PCDH15: variants seen among roughly 807,000 people sequenced by gnomAD.
PCDH15 encodes protocadherin related 15, also known as protocadherin-15.
In PCDH15, 129 loss-of-function variants were observed where a neutral mutation model predicts 178.5. The ratio of observed to expected loss-of-function variants is 0.72; its 90% CI spans 0.63 to 0.84. PCDH15 has a LOEUF of 0.84. PCDH15 is among the 40% of genes least tolerant of loss of function. The probability of loss-of-function intolerance (pLI) is 0.00; values close to 1 mark genes in which losing one functional copy is unlikely to be tolerated. For synonymous variants in PCDH15, 800 were observed against 732.0 expected (o/e 1.09, Z -1.50); for missense variants, 2,230 against 2,099.9 (o/e 1.06, Z -1.21).
chr10:54,311,361 T>C (rs1037424738), intron 8 of PCDH15, among the ~76,000 whole-genome samples: 2 of 152,028 alleles, frequency 1.3e-5, no homozygotes, highest in Non-Finnish European at 2.9e-5. Flanking sequence ...AACACATAAA[T>C]GTATGCTACT....
intron 1 of PCDH15, among the ~76,000 whole-genome samples, chr10:55,259,902 C>CAAAAAAAAA (rs749939571): frequency 2.1e-4 from 11 of 52,006 alleles, no homozygotes; most frequent in East Asian, 6.0e-4. Flanking sequence ...AACTCCGTCT[C>CAAAAAAAAA]AAAAAAAAAA....
intron 2 of PCDH15, among the ~76,000 whole-genome samples, chr10:55,136,303 T>C (rs1335900695): frequency 1.3e-5 from 2 of 152,142 alleles, no homozygotes; most frequent in African/African-American, 4.8e-5. Flanking sequence ...AAACAAAGGA[T>C]TGGATTAACA....
chr10:54,161,297 AG>A (rs2045688006), intron 13 of PCDH15, among the ~76,000 whole-genome samples: 1 of 152,208 alleles, frequency 6.6e-6, no homozygotes, highest in Non-Finnish European at 1.5e-5. Flanking sequence ...GTAAAATAAA[AG>A]TAAAAGATAC....
At chr10:55,582,469 G>T (rs1842633273) in intron 2 of PCDH15, among the ~76,000 whole-genome samples, 2 of 151,446 alleles carry the variant, frequency 1.3e-5, no homozygotes, top group Admixed American at 1.3e-4. Context: ...AAAAGGAATT[G>T]GGATTATTAT....
intron 1 of PCDH15, among the ~76,000 whole-genome samples, chr10:54,757,015 T>A (rs1947227202): frequency 8.0e-6 from 1 of 124,492 alleles, no homozygotes; most frequent in African/African-American, 3.0e-5. Flanking sequence ...AGCTCCCAAT[T>A]GGATTACCAT....
chr10:54,050,301 T>G (rs1379512124), intron 18 of PCDH15, among the ~76,000 whole-genome samples: 1 of 152,164 alleles, frequency 6.6e-6, no homozygotes, highest in Non-Finnish European at 1.5e-5. Flanking sequence ...GCTTGTGTGT[T>G]TCCAGGAATT....
At chr10:54,302,804 GA>G (rs1204664697) in intron 8 of PCDH15, among the ~76,000 whole-genome samples, 1 of 152,006 alleles carries the variant, frequency 6.6e-6, no homozygotes, top group Non-Finnish European at 1.5e-5. Flanking sequence ...TTCCATTTGA[GA>G]AATTTTACAA....
chr10:55,278,440 G>A (rs1842649094), intron 1 of PCDH15, among the ~76,000 whole-genome samples: 2 of 151,850 alleles, frequency 1.3e-5, no homozygotes, highest in South Asian at 4.2e-4. Context: ...GGTCAGGCTG[G>A]TTACGAACTC....
At chr10:54,814,318 T>G (rs936409584) in intron 3 of PCDH15, among the ~76,000 whole-genome samples, 2 of 152,322 alleles carry the variant, frequency 1.3e-5, no homozygotes, top group South Asian at 2.1e-4. Context: ...CATACATGTT[T>G]ATTTAAATTC....
chr10:54,060,444 G>T (rs918659807), intron 18 of PCDH15, among the ~76,000 whole-genome samples: 1 of 151,924 alleles, frequency 6.6e-6, no homozygotes, highest in Admixed American at 6.6e-5. Context: ...AATATACGTA[G>T]CCATACTTTA....
chr10:54,809,107 G>T (rs1377238221), intron 3 of PCDH15, among the ~76,000 whole-genome samples: 1 of 152,038 alleles, frequency 6.6e-6, no homozygotes, highest in African/African-American at 2.4e-5. Flanking sequence ...AATTTTTAAG[G>T]TATGAATATT....
intron 3 of PCDH15, among the ~76,000 whole-genome samples, chr10:54,807,623 G>A (rs1952799117): frequency 1.3e-5 from 2 of 150,430 alleles, no homozygotes; most frequent in South Asian, 4.2e-4. Flanking sequence ...TACCAAGCTA[G>A]CCTCTTAGAT....
At chr10:54,427,543 G>T (rs1956441363) in intron 3 of PCDH15, among the ~76,000 whole-genome samples, 2 of 151,900 alleles carry the variant, frequency 1.3e-5, no homozygotes, top group Non-Finnish European at 2.9e-5. Flanking sequence ...CTCCCAAAGT[G>T]CTGGGATTAC....
Position 53,888,833 on chromosome 10 carries a change from A to AT in PCDH15, c.3501+14409_3501+14410insA, listed in dbSNP as rs2081361117. Among the ~76,000 whole-genome samples, 4 of 150,170 alleles carry AT rather than the reference A, an allele frequency of 2.7e-5. No individual in the cohort carries two copies. The South Asian group carries it at 8.4e-4, about 31-fold the overall frequency. ...AAGACTTACACTATCAGATATTATAAAACTATAGTAATTCAGATAGCAGAA... is the reference window on the plus strand; with the variant it reads ...AAGACTTACACTATCAGATATTATAATAACTATAGTAATTCAGATAGCAGAA... On this transcript the variant is annotated intron_variant, in intron 26 of 37. Coordinates refer to ENST00000644397, the MANE Select transcript of PCDH15 (RefSeq NM_001384140.1).
At chr10:55,484,150 G>A (rs1004534825) in intron 2 of PCDH15, among the ~76,000 whole-genome samples, 13 of 151,718 alleles carry the variant, frequency 8.6e-5, no homozygotes, top group African/African-American at 3.1e-4. Context: ...AGAGTGGAGG[G>A]TAGGAGTAGG....
chr10:55,151,103 G>A (rs1838699380), intron 2 of PCDH15, among the ~76,000 whole-genome samples: 1 of 152,000 alleles, frequency 6.6e-6, no homozygotes, highest in Non-Finnish European at 1.5e-5. Context: ...AGATCCCACG[G>A]CATATTCTTT....
intron 24 of PCDH15, among the ~76,000 whole-genome samples, chr10:53,939,591 CCTTATAATA>C (rs1294478032): frequency 6.6e-6 from 1 of 151,766 alleles, no homozygotes; most frequent in Non-Finnish European, 1.5e-5. Context: ...ATTAATAATC[CCTTATAATA>C]CTATATATTT....
chr10:54,523,393 C>T (rs1218196074), intron 3 of PCDH15, among the ~76,000 whole-genome samples: 1 of 152,040 alleles, frequency 6.6e-6, no homozygotes, highest in African/African-American at 2.4e-5. Flanking sequence ...TTAACAGATT[C>T]ATTTCTATTC....
intron 3 of PCDH15, among the ~76,000 whole-genome samples, chr10:54,812,545 G>A (rs1279626852): frequency 1.3e-5 from 2 of 151,936 alleles, no homozygotes; most frequent in Non-Finnish European, 2.9e-5. Context: ...TGCAACTTCC[G>A]CCTCCCCGGT....
Sources: allele counts gnomAD v4.1 joint callset (sites outside exome capture counted in the v4.1 genomes callset), GRCh38; gene constraint gnomAD v4.1.1; transcripts MANE v1.5; gene names NCBI Gene and HGNC (gene_info 2026-07-23, HGNC 2026-07-21).